Variants in ZYG11B observed in about 807,000 individuals in gnomAD.
ZYG11B encodes the protein protein zyg-11 homolog B.
A neutral mutation model predicts 82.4 loss-of-function variants in ZYG11B; 36 were observed. The ratio of observed to expected loss-of-function variants is 0.44; its 90% confidence interval spans 0.33 to 0.58. The LOEUF (loss-of-function observed/expected upper bound fraction) is 0.58, where lower values mean the gene tolerates loss of function less well. ZYG11B is among the 20% of genes least tolerant of loss of function. The probability of loss-of-function intolerance (pLI) is 0.02; values close to 1 mark genes in which losing one functional copy is unlikely to be tolerated. For missense variants in ZYG11B, 552 were observed against 895.6 expected (o/e 0.62, Z 4.90); for synonymous variants, 303 against 312.8 (o/e 0.97, Z 0.33).
chr1:52,761,945 G>T (rs972387818), intron 2 of ZYG11B, among the ~76,000 whole-genome samples: 3 of 151,976 alleles, frequency 2.0e-5, no homozygotes, highest in African/African-American at 7.2e-5. Flanking sequence ...TTATATATTT[G>T]TTGGCCATTT....
intron 6 of ZYG11B, among the ~76,000 whole-genome samples, chr1:52,792,819 A>G (rs561803354): frequency 3.5e-4 from 54 of 152,206 alleles, no homozygotes; most frequent in African/African-American, 1.3e-3. Context: ...TGACAACCCT[A>G]TGGAATAGGT....
chr1:52,797,474 A>ATATGATATATAATATAATAAATTATG (rs1645035185), intron 8 of ZYG11B, among the ~76,000 whole-genome samples: 1 of 115,888 alleles, frequency 8.6e-6, no homozygotes, highest in Non-Finnish European at 1.7e-5. Context: ...TATATATTAT[A>ATATGATATATAATATAATAAATTATG]TATGATATAT....
chr1:52,785,452 A>T (rs1644905432), intron 5 of ZYG11B, among the ~76,000 whole-genome samples: 1 of 152,082 alleles, frequency 6.6e-6, no homozygotes, highest in Admixed American at 6.6e-5. Context: ...AATACTAAAA[A>T]TGTTGCTTAA....
chr1:52,813,617 A>T lies in ZYG11B; in HGVS notation c.1777A>T (p.Ser593Cys). 1 of 1,613,938 alleles carries T rather than the reference A, an allele frequency of 6.2e-7. No individual in the cohort carries two copies. The highest frequency in any genetic ancestry group is 1.1e-5 in the South Asian group (1 of 91,080). The change falls in exon 11 of 14, where the codon AGT (serine) becomes TGT (cysteine). Residue 593 changes from serine (S) to cysteine (C), a missense_variant. This residue lies in a region of ZYG11B where 66 missense variants were observed against 176.4 expected (regional missense o/e 0.37). Transcript: ENST00000294353. ...AGACCACATCAGTAGTCTCCTACAC[A>T]GTGTGGAAGTGGAAGTCAGTTACTT... ...FIDHISSLLH[S>C]VEVEVSYFAA...
At chr1:52,817,212 G>A (rs1268433928) in intron 13 of ZYG11B, among the ~76,000 whole-genome samples, 1 of 152,142 alleles carries the variant, frequency 6.6e-6, no homozygotes, top group African/African-American at 2.4e-5. Context: ...AGACTACAGT[G>A]AGTCCATTTG....
intron 2 of ZYG11B, among the ~76,000 whole-genome samples, chr1:52,765,815 A>G (rs1239543186): frequency 6.6e-6 from 1 of 152,130 alleles, no homozygotes; most frequent in Non-Finnish European, 1.5e-5. Flanking sequence ...TATTTCTTTA[A>G]GTACTTTTTC....
chr1:52,758,533 T>C (rs1168736891), intron 2 of ZYG11B, among the ~76,000 whole-genome samples: 1 of 152,178 alleles, frequency 6.6e-6, no homozygotes, highest in Non-Finnish European at 1.5e-5. Context: ...CTCGTTCCAC[T>C]GTGCCACACA....
rs150860935 is a variant in ZYG11B, at chr1:52,814,827, T to C, written c.1946+915T>C. On this transcript the variant is annotated intron_variant, in intron 12 of 13. Transcript: ENST00000294353. ...AAAGCATCGTATTAATGTAGGAAGG[T>C]CTAAAATAAAATGACACATTGAAGG... Among the ~76,000 whole-genome samples the C allele has an allele frequency of 8.6e-5, 13 of 152,024 alleles. No homozygotes were observed. In the East Asian group the frequency reaches 2.3e-3, roughly 27 times the overall value.
At chr1:52,747,657 T>C (rs1644488573) in intron 1 of ZYG11B, among the ~76,000 whole-genome samples, 1 of 152,114 alleles carries the variant, frequency 6.6e-6, no homozygotes, top group Non-Finnish European at 1.5e-5. Flanking sequence ...GGTTAACAAG[T>C]TCCTTCTACT....
chr1:52,759,424 A>G (rs189383098), intron 2 of ZYG11B, among the ~76,000 whole-genome samples: 131 of 152,350 alleles, frequency 8.6e-4, no homozygotes, highest in South Asian at 1.9e-3. Flanking sequence ...TATGGATAAG[A>G]TAATAGGAGT....
intron 1 of ZYG11B, among the ~76,000 whole-genome samples, chr1:52,753,677 A>C (rs1571751714): frequency 6.6e-6 from 1 of 150,836 alleles, no homozygotes; most frequent in African/African-American, 2.4e-5. Context: ...GCTCATCGCA[A>C]CCTCTGCCTC....
chr1:52,821,335 A>C lies in ZYG11B; in HGVS notation c.2045-104A>C. On this transcript the variant is annotated intron_variant, in intron 13 of 13. Coordinates refer to ENST00000294353, the MANE Select transcript of ZYG11B (RefSeq NM_024646.3). ...GTTAGTGATCAATAACAAAACAGCT[A>C]AAAAAAAATGGCTCCTAGAAGTCAT... 4 of 967,896 alleles carry C rather than the reference A, an allele frequency of 4.1e-6. No homozygotes were observed. In the African/African-American group the frequency reaches 5.0e-5, roughly 12 times the overall value. 60.0% of individuals were successfully genotyped at this position (967,896 alleles called of 1,614,324 possible).
chr1:52,799,523 GCA>G (rs1389944007), intron 8 of ZYG11B, among the ~76,000 whole-genome samples: 2 of 150,828 alleles, frequency 1.3e-5, no homozygotes, highest in Non-Finnish European at 3.0e-5. Flanking sequence ...AAATAGCTGG[GCA>G]CAGTGGCCCA....
At chr1:52,741,554 A>C (rs1644431929) in intron 1 of ZYG11B, among the ~76,000 whole-genome samples, 1 of 152,174 alleles carries the variant, frequency 6.6e-6, no homozygotes, top group Non-Finnish European at 1.5e-5. Context: ...TATTTTAGTT[A>C]TGCTTAACAA....
intron 1 of ZYG11B, among the ~76,000 whole-genome samples, chr1:52,747,304 T>C (rs1213885138): frequency 1.0e-5 from 1 of 95,828 alleles, no homozygotes; most frequent in Non-Finnish European, 1.8e-5. Flanking sequence ...TTTTCACTTT[T>C]GATTTTTTTT....
rs1213237611 is a variant in ZYG11B, at chr1:52,726,699, C to A, written c.30+16C>A. 2 of 1,472,292 alleles carry A rather than the reference C, an allele frequency of 1.4e-6. No individual in the cohort carries two copies. Among genetic ancestry groups the A allele is most frequent in the Non-Finnish European group, 1.8e-6 (2 of 1,117,216 alleles). The allele number at this position is 1,472,292 out of a possible 1,614,324, so 91.2% of individuals were successfully genotyped here. ...CGCAGCCATGGTGAGGGAGCAAGGCCTGCCCTAGCCGCAGCCGCCCGCCAC... is the reference window on the plus strand; with the variant it reads ...CGCAGCCATGGTGAGGGAGCAAGGCATGCCCTAGCCGCAGCCGCCCGCCAC... On this transcript the variant is annotated intron_variant, in intron 1 of 13. Transcript: ENST00000294353.
rs527508051 is a variant in ZYG11B, at chr1:52,805,614, G to A, written c.1695+3475G>A. On this transcript the variant is annotated intron_variant, in intron 10 of 13. Coordinates refer to ENST00000294353, the MANE Select transcript of ZYG11B (RefSeq NM_024646.3). Reference sequence around the variant, plus strand: ...TGGGAGGCTGAGGTGGGTGGATCACGTGCGGTCAGGAGTTCAAGACCAGCC... The same window carrying A: ...TGGGAGGCTGAGGTGGGTGGATCACATGCGGTCAGGAGTTCAAGACCAGCC... 8.3e-5 allele frequency: 33 copies of A among 397,722 alleles called. 1 individual carries two copies. The highest frequency in any genetic ancestry group is 6.0e-4 in the South Asian group (32 of 53,358). The allele number at this position is 397,722 out of a possible 1,614,324, so 24.6% of individuals were successfully genotyped here.
intron 8 of ZYG11B, among the ~76,000 whole-genome samples, chr1:52,798,844 A>G (rs1645050754): frequency 6.6e-6 from 1 of 152,184 alleles, no homozygotes; most frequent in Non-Finnish European, 1.5e-5. Flanking sequence ...CTTAGAGGCA[A>G]AAAGTATATT....
chr1:52,726,496 C>T lies in ZYG11B; in HGVS notation c.-158C>T, dbSNP rs1468314361. ...CGGGCTGCGGCTGCGGCTGCGGCTGCGGCTGCTACTGCTACGCTCCTAGCT... is the reference window on the plus strand; with the variant it reads ...CGGGCTGCGGCTGCGGCTGCGGCTGTGGCTGCTACTGCTACGCTCCTAGCT... On this transcript the variant is annotated 5_prime_UTR_variant, in exon 1 of 14. Coordinates refer to ENST00000294353, the MANE Select transcript of ZYG11B (RefSeq NM_024646.3). The T allele has an allele frequency of 1.6e-6, 1 of 623,636 alleles. No individual in the cohort carries two copies. Among genetic ancestry groups the T allele is most frequent in the Non-Finnish European group, 2.3e-6 (1 of 430,104 alleles). 38.6% of individuals were successfully genotyped at this position (623,636 alleles called of 1,614,324 possible). A position where few individuals can be genotyped will look rare whatever the true frequency, so the allele number is the denominator to read the frequency against.
Sources: allele counts gnomAD v4.1 joint callset (sites outside exome capture counted in the v4.1 genomes callset), GRCh38; gene constraint gnomAD v4.1.1; regional missense constraint gnomAD v4.1.1; transcripts MANE v1.5; gene names NCBI Gene and HGNC (gene_info 2026-07-23, HGNC 2026-07-21).